The following PBRM1 variants were observed in gnomAD, a reference collection of about 807,000 sequenced individuals.
PBRM1 encodes protein polybromo-1.
PBRM1 carries 27 observed loss-of-function variants against 194.5 expected under a neutral mutation model. The ratio of observed to expected loss-of-function variants is 0.14; its 90% confidence interval spans 0.10 to 0.19. The LOEUF (loss-of-function observed/expected upper bound fraction) is 0.19, where lower values mean the gene tolerates loss of function less well. Among genes scored for constraint, PBRM1 ranks in the 10% least tolerant of loss-of-function variants. PBRM1 has a pLI of 1.00. For missense variants in PBRM1, 1,466 were observed against 2,077.2 expected (o/e 0.71, Z 5.72); for synonymous variants, 655 against 693.2 (o/e 0.94, Z 0.87).
At position 52,591,809 on chromosome 3, in the gene PBRM1, C is replaced by A. The variant is rs541098548; in HGVS notation, c.2780-2554G>T. On this transcript the variant is annotated intron_variant, in intron 17 of 29. Transcript: ENST00000296302. ...TTGGGATTACAGGCGTCAGCCACTG[C>A]GCCCGGCCTTTTTTTTTTTTTTTTT... 1.2e-3 allele frequency among the ~76,000 whole-genome samples: 171 copies of A among 142,280 alleles called. 2 individuals are homozygous for A. Among genetic ancestry groups the A allele is most frequent in the African/African-American group, 3.8e-3 (146 of 38,448 alleles). The allele number at this position is 142,280 out of a possible 152,430, so 93.3% of individuals were successfully genotyped here.
intron 12 of PBRM1, among the ~76,000 whole-genome samples, chr3:52,628,478 T>A (rs1205735952): frequency 1.3e-5 from 2 of 149,874 alleles, no homozygotes; most frequent in African/African-American, 4.9e-5. Context: ...ATATATATTG[T>A]TTGTTTGTTT....
At chr3:52,680,428 T>C (rs2097183813), upstream of PBRM1, among the ~76,000 whole-genome samples, 1 of 152,210 alleles carries the variant, frequency 6.6e-6, no homozygotes, top group African/African-American at 2.4e-5. Flanking sequence ...AACTCTTCTG[T>C]TAATTCAAAC....
chr3:52,654,582 A>C (rs556843401), intron 5 of PBRM1, among the ~76,000 whole-genome samples: 1 of 152,280 alleles, frequency 6.6e-6, no homozygotes, highest in African/African-American at 2.4e-5. Context: ...AGAGACCAAT[A>C]GAAACCTGCT....
chr3:52,669,350 A>G (rs2096903412), intron 2 of PBRM1, among the ~76,000 whole-genome samples: 1 of 152,232 alleles, frequency 6.6e-6, no homozygotes, highest in Admixed American at 6.5e-5. Flanking sequence ...TATAATGACA[A>G]AATTTCTTAA....
At chr3:52,684,845 A>G (rs1356866380) in intron 1 of PBRM1, 1 of 152,194 alleles carries the variant, frequency 6.6e-6, no homozygotes, top group Admixed American at 6.5e-5. Context: ...TATTGTTTTA[A>G]TTTGAAACAC....
intron 2 of PBRM1, among the ~76,000 whole-genome samples, chr3:52,674,548 G>A (rs1378581898): frequency 1.4e-5 from 2 of 146,566 alleles, no homozygotes; most frequent in African/African-American, 2.5e-5. Flanking sequence ...CTAGCACTTC[G>A]GGAGGCCAAG....
chr3:52,583,428 A>C (rs1318576962), intron 20 of PBRM1, among the ~76,000 whole-genome samples: 3 of 152,062 alleles, frequency 2.0e-5, no homozygotes, highest in East Asian at 1.9e-4. Context: ...AAAAAAAAAA[A>C]CACCAATAGG....
At chr3:52,562,047 C>T (rs941049181) in intron 24 of PBRM1, 79 bp from the exon 27 acceptor site, 114 of 1,117,744 alleles carry the variant, frequency 1.0e-4, no homozygotes, top group Non-Finnish European at 1.4e-4. Flanking sequence ...GCCAGCCGGG[C>T]GCGGTGGCTC....
At chr3:52,590,861 C>T (rs1471751988) in intron 17 of PBRM1, among the ~76,000 whole-genome samples, 2 of 152,114 alleles carry the variant, frequency 1.3e-5, no homozygotes, top group African/African-American at 4.8e-5. Flanking sequence ...GGCAGTATGG[C>T]CATTTTAATA....
chr3:52,565,060 G>T (rs1320889454), intron 22 of PBRM1, among the ~76,000 whole-genome samples: 3 of 151,628 alleles, frequency 2.0e-5, no homozygotes, highest in Non-Finnish European at 4.4e-5. Context: ...TTAGCTGGGC[G>T]TGGTGGCGTG....
chr3:52,636,765 A>G lies in PBRM1; in HGVS notation c.1088-1950T>C. 2.1e-5 allele frequency among the ~76,000 whole-genome samples: 3 copies of G among 143,076 alleles called. No homozygotes were observed. The Admixed American group carries it at 2.2e-4, about 10-fold the overall frequency. The allele number at this position is 143,076 out of a possible 152,430, so 93.9% of individuals were successfully genotyped here. On this transcript the variant is annotated intron_variant, in intron 10 of 29. Transcript: ENST00000296302. ...GAGTGAAACTCTGTCTCCAAAAAAA[A>G]AAAAAAAAAAAAAAAAAAAAAGAAT...
chr3:52,667,180 A>G (rs578050136), intron 3 of PBRM1, among the ~76,000 whole-genome samples: 2 of 152,324 alleles, frequency 1.3e-5, no homozygotes, highest in East Asian at 3.9e-4. Context: ...AAAGGCTTAT[A>G]TGAAAGACAA....
chr3:52,668,487 T>C lies in PBRM1; in HGVS notation c.384+11A>G, dbSNP rs751444400. On this transcript the variant is annotated intron_variant, in intron 3 of 29. Coordinates refer to ENST00000296302, the Ensembl canonical transcript of PBRM1. ...CCAATTGGTATCTTTCCAAATTTCA[T>C]AATTTCTTACCTTATAATAGGACTT... 3.2e-6 allele frequency: 5 copies of C among 1,575,786 alleles called. No individual in the cohort carries two copies. Among genetic ancestry groups the C allele is most frequent in the Admixed American group, 3.9e-5 (2 of 51,304 alleles).
At chr3:52,548,192 G>A in exon 30 of PBRM1, 3 of 1,607,144 alleles carry the variant, frequency 1.9e-6, no homozygotes, top group Non-Finnish European at 2.5e-6. Flanking sequence ...GAGAGGGTAG[G>A]CGGCTCTCCT....
At chr3:52,682,233 G>A, upstream of PBRM1, 1 of 152,020 alleles carries the variant, frequency 6.6e-6, no homozygotes, top group East Asian at 1.9e-4. Context: ...GTGTTGGCAA[G>A]CTGGAACAAA....
chr3:52,570,254 G>C (rs1481980465), intron 22 of PBRM1, among the ~76,000 whole-genome samples: 12 of 152,218 alleles, frequency 7.9e-5, no homozygotes, highest in Admixed American at 7.9e-4. Context: ...TGGAATTACA[G>C]GCATGAGCCA....
chr3:52,637,059 A>G (rs1342148530), intron 10 of PBRM1, among the ~76,000 whole-genome samples: 1 of 152,140 alleles, frequency 6.6e-6, no homozygotes, highest in Non-Finnish European at 1.5e-5. Flanking sequence ...TGGAGCTAGA[A>G]GCAGATAAGA....
intron 6 of PBRM1, 105 bp downstream of exon 7, chr3:52,651,637 C>A (rs963359641): frequency 7.0e-6 from 4 of 569,922 alleles, no homozygotes; most frequent in Non-Finnish European, 1.2e-5. Flanking sequence ...TGCTAATAAC[C>A]CCTTACAGAG....
intron 13 of PBRM1, among the ~76,000 whole-genome samples, chr3:52,625,462 C>T (rs1355648053): frequency 1.3e-5 from 2 of 151,174 alleles, no homozygotes; most frequent in Non-Finnish European, 2.9e-5. Context: ...TTATATTGTT[C>T]TTTTATTTGT....
Sources: gnomAD v4.1 joint callset for allele counts (sites outside exome capture counted in the v4.1 genomes callset) on GRCh38, gnomAD v4.1.1 for gene constraint, MANE v1.5 for transcripts, NCBI Gene and HGNC (gene_info 2026-07-23, HGNC 2026-07-21) for gene names.